Variants in CUX1 observed in about 807,000 individuals in gnomAD.
The protein encoded by CUX1 is protein CASP.
In CUX1, 31 loss-of-function variants were observed where a neutral mutation model predicts 158.8. The observed-to-expected ratio is 0.20, with a 90% CI of 0.15 to 0.26. CUX1 has a LOEUF of 0.26. CUX1 is among the 10% of genes least tolerant of loss of function. The probability of loss-of-function intolerance (pLI) is 1.00; values close to 1 mark genes in which losing one functional copy is unlikely to be tolerated. For synonymous variants in CUX1, 879 were observed against 862.1 expected (o/e 1.02, Z -0.34); for missense variants, 1,589 against 2,014.6 (o/e 0.79, Z 4.04).
At chr7:102,100,675 G>A (rs367570139) in intron 5 of CUX1, among the ~76,000 whole-genome samples, 7 of 152,264 alleles carry the variant, frequency 4.6e-5, no homozygotes, top group East Asian at 3.9e-4. Flanking sequence ...TGATTAAAAA[G>A]TTAGAGCAGG....
chr7:102,060,167 A>G (rs1270573928), intron 3 of CUX1, among the ~76,000 whole-genome samples: 1 of 151,994 alleles, frequency 6.6e-6, no homozygotes, highest in African/African-American at 2.4e-5. Flanking sequence ...AGTCCTAGCT[A>G]CTTGGGAGGC....
chr7:102,058,200 T>G (rs1167189807), intron 3 of CUX1, among the ~76,000 whole-genome samples: 2 of 152,236 alleles, frequency 1.3e-5, no homozygotes, highest in Non-Finnish European at 2.9e-5. Flanking sequence ...GATACAAACA[T>G]AACTTTTATA....
chr7:101,857,265 A>G (rs1796953691), intron 1 of CUX1, among the ~76,000 whole-genome samples: 1 of 152,280 alleles, frequency 6.6e-6, no homozygotes, highest in Admixed American at 6.5e-5. Context: ...TTTGCCTGTC[A>G]CAGGCCTAGC....
rs375857972 is a variant in CUX1 at position 102,277,642 on chromosome 7, T to C, written c.1564-307T>C. Among the ~76,000 whole-genome samples the C allele has an allele frequency of 3.6e-4, 54 of 152,060 alleles. 1 individual carries two copies. In the East Asian group the frequency reaches 9.8e-3, roughly 28 times the overall value. ...TAAAAATAAAAAATAAAATAAAATA[T>C]ATAGACAGGGTCTTGCTCTGTCATA... On this transcript the variant is annotated intron_variant, in intron 17 of 22. Transcript: ENST00000292538.
rs781952452 is a variant in CUX1, at chr7:102,202,167, C to T, written c.2870C>T (p.Ala957Val). 1.9e-6 allele frequency: 3 copies of T among 1,611,176 alleles called. No homozygotes were observed. Among genetic ancestry groups the T allele is most frequent in the Non-Finnish European group, 2.5e-6 (3 of 1,177,878 alleles). The change falls in exon 18 of 24, where the codon GCC becomes GTC. Residue 957 changes from alanine to valine, a missense_variant. Physicochemically the swap from Ala to Val is moderately conservative, Grantham distance 64. Coordinates refer to ENST00000292535, the MANE Select transcript of CUX1 (RefSeq NM_181552.4). ...ELTRQVKEKL[A>V]KNGICQRIFG... ...ACCCGGCAGGTTAAGGAAAAGCTGG[C>T]CAAGAACGGCATCTGCCAGAGAATC...
At chr7:101,938,497 G>A (rs4729764) in intron 2 of CUX1, among the ~76,000 whole-genome samples, 90,429 of 151,992 alleles carry the variant, frequency 0.59, 28,577 homozygotes, top group Middle Eastern at 0.74. Flanking sequence ...TCTTCACTGG[G>A]GGAAGAGATT....
At chr7:102,021,448 C>T (rs920051024) in intron 2 of CUX1, among the ~76,000 whole-genome samples, 3 of 152,070 alleles carry the variant, frequency 2.0e-5, no homozygotes, top group East Asian at 3.8e-4. Context: ...GATAGGACTA[C>T]AAGCCTGCAC....
chr7:102,149,683 A>G (rs1326322091), intron 8 of CUX1, among the ~76,000 whole-genome samples: 1 of 152,074 alleles, frequency 6.6e-6, no homozygotes, highest in East Asian at 1.9e-4. Context: ...CTCGCATGAG[A>G]CTGCAGACCA....
intron 18 of CUX1, among the ~76,000 whole-genome samples, chr7:102,202,905 C>A (rs1795594212): frequency 6.6e-6 from 1 of 152,168 alleles, no homozygotes; most frequent in Non-Finnish European, 1.5e-5. Context: ...CACTGAGATT[C>A]AGGAGAATGA....
At chr7:101,863,009 C>G (rs927030059) in intron 1 of CUX1, among the ~76,000 whole-genome samples, 1 of 151,850 alleles carries the variant, frequency 6.6e-6, no homozygotes, top group Admixed American at 6.6e-5. Context: ...ATTTACTTGT[C>G]GCTGGCCTTG....
chr7:102,272,359 T>C (rs1384292277), intron 14 of CUX1, among the ~76,000 whole-genome samples: 1 of 152,226 alleles, frequency 6.6e-6, no homozygotes, highest in Non-Finnish European at 1.5e-5. Flanking sequence ...TCCCTGGCAC[T>C]GCCCACAGCC....
At chr7:102,016,700 C>T (rs182285877) in intron 2 of CUX1, among the ~76,000 whole-genome samples, 61 of 152,336 alleles carry the variant, frequency 4.0e-4, no homozygotes, top group Non-Finnish European at 6.9e-4. Context: ...TCGGAATCCA[C>T]ATTGTTCCCA....
intron 4 of CUX1, among the ~76,000 whole-genome samples, chr7:102,070,941 AT>A (rs957447345): frequency 0.02 from 1,769 of 87,138 alleles, 42 homozygotes; most frequent in African/African-American, 0.056. Flanking sequence ...TGTTTCTTTT[AT>A]TTTTTTTTTC....
exon 23 of CUX1, chr7:102,283,199 A>T: frequency 4.4e-6 from 4 of 906,500 alleles, no homozygotes; most frequent in Non-Finnish European, 7.2e-6. Context: ...AACTGCCCTT[A>T]TCCGCTGTCC....
chr7:102,170,136 C>G (rs1214065320), intron 9 of CUX1, among the ~76,000 whole-genome samples: 3 of 152,166 alleles, frequency 2.0e-5, no homozygotes, highest in African/African-American at 7.2e-5. Flanking sequence ...GAAATTGAAT[C>G]AAAAGACTCG....
intron 2 of CUX1, among the ~76,000 whole-genome samples, chr7:101,935,307 C>A (rs2041007): frequency 0.053 from 8,059 of 152,174 alleles, 725 homozygotes; most frequent in African/African-American, 0.18. Context: ...TCCTATAAAA[C>A]GGCCCCACCC....
chr7:102,003,827 A>G (rs1242914684), intron 2 of CUX1, among the ~76,000 whole-genome samples: 1 of 152,052 alleles, frequency 6.6e-6, no homozygotes, highest in Non-Finnish European at 1.5e-5. Context: ...CTCCTTGAAT[A>G]CTCATAGTCC....
At chr7:102,111,999 C>A in intron 7 of CUX1, 1 of 473,502 alleles carries the variant, frequency 2.1e-6, no homozygotes, top group Non-Finnish European at 3.8e-6. Flanking sequence ...ATCTCGATTC[C>A]ATTTTCATCC....
Position 102,251,528 on chromosome 7 carries a change from C to T in CUX1, c.*2486C>T, listed in dbSNP as rs1184880565. ...GCTGGGAGGCAGGCTGTTCGTTTGT[C>T]TTTTGTTGGGGGTATCATTTCTGAA... On this transcript the variant is annotated 3_prime_UTR_variant, in exon 24 of 24. Transcript: ENST00000292535. The T allele has an allele frequency of 6.1e-6, 6 of 985,218 alleles. No homozygotes were observed. The African/African-American group carries it at 1.0e-4, about 17-fold the overall frequency. 61.0% of individuals were successfully genotyped at this position (985,218 alleles called of 1,614,324 possible).
Sources: gnomAD v4.1 joint callset for allele counts (sites outside exome capture counted in the v4.1 genomes callset) on GRCh38, gnomAD v4.1.1 for gene constraint, MANE v1.5 for transcripts, NCBI Gene and HGNC (gene_info 2026-07-23, HGNC 2026-07-21) for gene names.